Variants in TMEM164 observed in about 807,000 individuals in gnomAD.
TMEM164 encodes the protein RP13-360B22.2.
TMEM164 carries 4 observed loss-of-function variants against 18.8 expected under a neutral mutation model. That is an observed-to-expected ratio of 0.21 (90% CI 0.10 to 0.49). The LOEUF (loss-of-function observed/expected upper bound fraction) is 0.49. TMEM164 is among the 20% of genes least tolerant of loss of function. The probability of loss-of-function intolerance (pLI) is 0.98; values close to 1 mark genes in which losing one functional copy is unlikely to be tolerated. For missense variants in TMEM164, 108 were observed against 239.9 expected (o/e 0.45, Z 3.63); for synonymous variants, 86 against 101.7 (o/e 0.85, Z 0.93).
intron 3 of TMEM164, among the ~76,000 whole-genome samples, chrX:110,092,406 C>T (rs990366196): frequency 4.5e-5 from 5 of 111,619 alleles, no homozygotes; most frequent in African/African-American, 1.6e-4. Context: ...TTGTAGTTCT[C>T]CTTGAAGAGG....
intron 4 of TMEM164, among the ~76,000 whole-genome samples, chrX:110,123,716 G>A (rs1370675009): frequency 8.9e-6 from 1 of 112,391 alleles, no homozygotes; most frequent in African/African-American, 3.2e-5. Flanking sequence ...GGTGGCTCAC[G>A]CCTATAACTG....
At chrX:110,011,065 C>T (rs1051281991) in intron 2 of TMEM164, among the ~76,000 whole-genome samples, 1 of 111,714 alleles carries the variant, frequency 9.0e-6, no homozygotes, top group African/African-American at 3.3e-5. Context: ...TTCTTTCTTG[C>T]GTTCACTCAA....
intron 2 of TMEM164, among the ~76,000 whole-genome samples, chrX:110,025,105 C>G (rs1296677696): frequency 9.1e-6 from 1 of 110,366 alleles, no homozygotes; most frequent in Non-Finnish European, 1.9e-5. Flanking sequence ...GAGGGCTTGT[C>G]CCCAAAGCCA....
intron 4 of TMEM164, among the ~76,000 whole-genome samples, chrX:110,116,151 C>G (rs1381070982): frequency 8.9e-6 from 1 of 111,937 alleles, no homozygotes; most frequent in Non-Finnish European, 1.9e-5. Context: ...TGCAGTTGCT[C>G]TATGTTTCAA....
intron 2 of TMEM164, among the ~76,000 whole-genome samples, chrX:110,030,040 A>G (rs1381080726): frequency 9.2e-6 from 1 of 108,555 alleles, no homozygotes; most frequent in Non-Finnish European, 1.9e-5. Flanking sequence ...CAAAAGTGAA[A>G]GTTTCTGGTA....
intron 3 of TMEM164, among the ~76,000 whole-genome samples, chrX:110,102,070 A>C (rs1402329322): frequency 1.9e-5 from 2 of 106,815 alleles, no homozygotes; most frequent in African/African-American, 6.8e-5. Context: ...TCATGCCTGT[A>C]ATCCTAGCAC....
intron 3 of TMEM164, among the ~76,000 whole-genome samples, chrX:110,095,508 A>T (rs748813586): frequency 8.1e-5 from 9 of 111,688 alleles, no homozygotes; most frequent in Non-Finnish European, 1.3e-4. Context: ...CCTAGTTCTC[A>T]TGTCATGGTT....
At chrX:110,162,421 G>T (rs1416943667) in intron 5 of TMEM164, among the ~76,000 whole-genome samples, 1 of 112,304 alleles carries the variant, frequency 8.9e-6, no homozygotes, top group Non-Finnish European at 1.9e-5. Flanking sequence ...TGGCCAGTCA[G>T]CCCCAACTAG....
At chrX:110,037,702 G>A (rs934801629) in intron 2 of TMEM164, among the ~76,000 whole-genome samples, 27 of 111,807 alleles carry the variant, frequency 2.4e-4, no homozygotes, top group Non-Finnish European at 4.1e-4. Flanking sequence ...GAAACAATCT[G>A]GGAGCCCATT....
intron 2 of TMEM164, among the ~76,000 whole-genome samples, chrX:110,012,756 T>C (rs929517766): frequency 7.0e-4 from 79 of 112,327 alleles, no homozygotes; most frequent in African/African-American, 2.5e-3. Context: ...CTTTCCTGGC[T>C]ACACAGGGCA....
At chrX:110,161,006 C>T (rs1281671323) in intron 5 of TMEM164, among the ~76,000 whole-genome samples, 1 of 112,342 alleles carries the variant, frequency 8.9e-6, no homozygotes, top group African/African-American at 3.2e-5. Flanking sequence ...CCGTGCCTGC[C>T]TGAGAAGGCT....
At chrX:110,149,124 GCCC>G (rs2066903955) in intron 5 of TMEM164, among the ~76,000 whole-genome samples, 2 of 109,516 alleles carry the variant, frequency 1.8e-5, no homozygotes, top group African/African-American at 3.3e-5. Context: ...TTCAAGAGAA[GCCC>G]CATAATATCC....
At chrX:110,097,592 A>T (rs2066041763) in intron 3 of TMEM164, among the ~76,000 whole-genome samples, 1 of 112,275 alleles carries the variant, frequency 8.9e-6, no homozygotes, top group Admixed American at 9.4e-5. Context: ...ATGTATAAAA[A>T]CGTGGGCAAC....
At chrX:110,063,455 G>A (rs1936200519) in intron 2 of TMEM164, among the ~76,000 whole-genome samples, 1 of 111,867 alleles carries the variant, frequency 8.9e-6, no homozygotes, top group Non-Finnish European at 1.9e-5. Flanking sequence ...ACAGGAATGG[G>A]AAGCAGGCCA....
At chrX:110,037,558 C>G (rs2147774046) in intron 2 of TMEM164, among the ~76,000 whole-genome samples, 1 of 111,983 alleles carries the variant, frequency 8.9e-6, no homozygotes, top group African/African-American at 3.2e-5. Context: ...GGGCTTGTAG[C>G]TGGGGGGCTG....
rs1309180742 is a variant in TMEM164 at position 110,062,360 on chromosome X, G to T, written c.391-4987G>T. Among the ~76,000 whole-genome samples, 6 of 112,033 alleles carry T rather than the reference G, an allele frequency of 5.4e-5. No individual in the cohort carries two copies. The East Asian group carries it at 1.7e-3, about 31-fold the overall frequency. On this transcript the variant is annotated intron_variant, in intron 2 of 6. Coordinates refer to ENST00000372068, the MANE Select transcript of TMEM164 (RefSeq NM_032227.4). Reference sequence around the variant, plus strand: ...TGGTAATCTGAGGCATGCAAATTGTGTGTGTGTGTGTGTTTTGCCTGTTAA... The same window carrying T: ...TGGTAATCTGAGGCATGCAAATTGTTTGTGTGTGTGTGTTTTGCCTGTTAA...
chrX:110,139,134 A>G (rs941157425), intron 4 of TMEM164, among the ~76,000 whole-genome samples: 2 of 112,555 alleles, frequency 1.8e-5, no homozygotes, highest in East Asian at 5.6e-4. Flanking sequence ...GTTTCTTTAG[A>G]TGAAAGGTAT....
Position 110,161,135 on chromosome X carries a change from A to G in TMEM164, c.587-10285A>G, listed in dbSNP as rs1230911522. ...TCTCTCTTGAGTGGGCTTTCAGCTC[A>G]TCTTCTGGAGGATGAGGATTGGACC... is the stretch of plus-strand genomic sequence containing the variant. On this transcript the variant is annotated intron_variant, in intron 5 of 6. Coordinates refer to ENST00000372068, the MANE Select transcript of TMEM164 (RefSeq NM_032227.4). Among the ~76,000 whole-genome samples, 3 of 112,387 alleles carry G rather than the reference A, an allele frequency of 2.7e-5. No individual in the cohort carries two copies. The East Asian group carries it at 8.4e-4, about 31-fold the overall frequency.
intron 4 of TMEM164, among the ~76,000 whole-genome samples, chrX:110,127,873 G>A (rs1404891296): frequency 1.8e-5 from 2 of 111,900 alleles, no homozygotes; most frequent in African/African-American, 6.5e-5. Flanking sequence ...TGGACCCTGC[G>A]TATGATAGAG....
Sources: gnomAD v4.1 joint callset for allele counts (sites outside exome capture counted in the v4.1 genomes callset) on GRCh38, gnomAD v4.1.1 for gene constraint, MANE v1.5 for transcripts, NCBI Gene and HGNC (gene_info 2026-07-23, HGNC 2026-07-21) for gene names.